The following TUBA8 variants were observed in gnomAD, a reference collection of about 807,000 sequenced individuals.
TUBA8 encodes the protein tubulin alpha 8, also known as tubulin alpha-8 chain.
In TUBA8, 29 loss-of-function variants were observed where a neutral mutation model predicts 34.7. The observed-to-expected ratio is 0.84, with a 90% CI of 0.62 to 1.14. The LOEUF is 1.14. Among genes scored for constraint, TUBA8 ranks in the 50% most tolerant of loss-of-function variants. TUBA8 has a pLI of 0.00. For missense variants in TUBA8, 541 were observed against 599.2 expected (o/e 0.90, Z 1.01); for synonymous variants, 226 against 231.2 (o/e 0.98, Z 0.21).
chr22:18,130,007 A>C (rs1053636247), intron 4 of TUBA8: 1 of 152,236 alleles, frequency 6.6e-6, no homozygotes, highest in East Asian at 1.9e-4. Context: ...AAGACCTTCA[A>C]CAACCTTCTT....
chr22:18,110,927 C>A lies in TUBA8; in HGVS notation c.3+59C>A. ...GCGCGGCAGGCGTAGGACCGAGAGC[C>A]GAGTCTACGCGGAGGCGCACGGACC... is the stretch of plus-strand genomic sequence containing the variant. On this transcript the variant is annotated intron_variant, in intron 1 of 4. Transcript: ENST00000330423. This position sits in a 1 kb window ranked among gnomAD's most constrained non-coding sequence, Gnocchi z 6.2. 1 of 1,536,314 alleles carries A rather than the reference C, an allele frequency of 6.5e-7. No individual in the cohort carries two copies. Among genetic ancestry groups the A allele is most frequent in the Admixed American group, 2.0e-5 (1 of 51,054 alleles).
chr22:18,115,085 G>A (rs1280190647), intron 1 of TUBA8: 1 of 152,214 alleles, frequency 6.6e-6, no homozygotes, highest in Non-Finnish European at 1.5e-5. Context: ...TCCCAGCGAG[G>A]GGCCTTGGCT....
intron 1 of TUBA8, chr22:18,114,853 GACA>G (rs1215400932): frequency 1.3e-5 from 2 of 152,148 alleles, no homozygotes; most frequent in African/African-American, 2.4e-5. Context: ...AGTATCACAA[GACA>G]GCCTTTTTAA....
At chr22:18,114,805 T>A (rs1927917406) in intron 1 of TUBA8, 1 of 152,130 alleles carries the variant, frequency 6.6e-6, no homozygotes. Flanking sequence ...CTCTCCCAGA[T>A]GATATGCCAC....
Position 18,126,477 on chromosome 22 carries a change from CT to C in TUBA8, c.500del (p.Leu167ArgfsTer23), listed in dbSNP as rs1215758077. The C allele has an allele frequency of 6.2e-7, 1 of 1,613,964 alleles. No individual in the cohort carries two copies. Among genetic ancestry groups the C allele is most frequent in the African/African-American group, 1.3e-5 (1 of 74,896 alleles). On this transcript the variant is annotated frameshift_variant, in exon 4 of 5. Transcript: ENST00000330423. LOFTEE classifies it high-confidence loss of function. The surrounding 1 kb of genome is among the most constrained non-coding windows in gnomAD (Gnocchi z 4.0). ...LSLDYGKKSKLEFAIYPAPQV... is the reference protein window; with the variant it reads ...LSLDYGKKSKXEFAIYPAPQV... ...CCTGGATTATGGCAAGAAATCCAAG[CT>C]GGAGTTTGCCATCTACCCAGCCCCC...
rs1293812304 is a variant in TUBA8, at chr22:18,121,633, T to C, written c.158T>C (p.Phe53Ser). Reference sequence around the variant, plus strand: ...GATGATGACTCCTTCACCACCTTTTTCAGCGAGACTGGCAATGGGAAGCAT... The same window carrying C: ...GATGATGACTCCTTCACCACCTTTTCCAGCGAGACTGGCAATGGGAAGCAT... ...INDDDSFTTFFSETGNGKHVP... is the reference protein window; with the variant it reads ...INDDDSFTTFSSETGNGKHVP... Residue 53 changes from phenylalanine (F) to serine (S), a missense_variant, in exon 2 of 5, where the codon TTC (phenylalanine) becomes TCC (serine). Transcript: ENST00000330423. This position sits in a 1 kb window ranked among gnomAD's most constrained non-coding sequence, Gnocchi z 4.8. 1.2e-6 allele frequency: 2 copies of C among 1,614,084 alleles called. No individual in the cohort carries two copies. Among genetic ancestry groups the C allele is most frequent in the African/African-American group, 1.3e-5 (1 of 74,922 alleles).
At chr22:18,130,753 A>T (rs1014998507) in intron 4 of TUBA8, 90 bp from the exon 5 acceptor site, 40 of 1,569,836 alleles carry the variant, frequency 2.5e-5, no homozygotes, top group Non-Finnish European at 3.5e-5. Context: ...ACTTGAAGCC[A>T]TGCCAAGTGA....
Position 18,124,362 on chromosome 22 carries a change from C to A in TUBA8, c.375+58C>A. On this transcript the variant is annotated intron_variant, in intron 3 of 4. Coordinates refer to ENST00000330423, the MANE Select transcript of TUBA8 (RefSeq NM_018943.3). The surrounding 1 kb of genome is among the most constrained non-coding windows in gnomAD (Gnocchi z 4.3). The stretch of plus-strand genomic sequence containing the variant: ...AGGCTGGAGTGGACAGGCTTGGCCC[C>A]ATGCCTCTTTGATCAGGCTAGGGAG... The A allele has an allele frequency of 6.4e-7, 1 of 1,573,880 alleles. No homozygotes were observed. The highest frequency in any genetic ancestry group is 1.2e-5 in the South Asian group (1 of 85,750).
intron 1 of TUBA8, chr22:18,114,683 C>T (rs1207693489): frequency 3.3e-5 from 5 of 152,094 alleles, no homozygotes; most frequent in Admixed American, 6.6e-5. Flanking sequence ...AGAGATAATT[C>T]GGTGTAATCA....
chr22:18,113,683 G>A (rs362043), intron 1 of TUBA8: 3 of 152,068 alleles, frequency 2.0e-5, no homozygotes, highest in African/African-American at 4.8e-5. Flanking sequence ...GCTCTGTGGA[G>A]TTGATAGGTG....
In TUBA8 at chr22:18,119,014, A is replaced by C. The variant is rs1452944978; in HGVS notation, c.4-2465A>C. On this transcript the variant is annotated intron_variant, in intron 1 of 4. Transcript: ENST00000330423. The surrounding 1 kb of genome is among the most constrained non-coding windows in gnomAD (Gnocchi z 5.9). ...CTGGGGGCCGGGCAGCACTGTAGGC[A>C]GGACTAGAGGGTGGTCGGGATGCGG... 1.3e-5 allele frequency: 2 copies of C among 152,414 alleles called. No individual in the cohort carries two copies. The highest frequency in any genetic ancestry group is 4.8e-5 in the African/African-American group (2 of 41,444). The allele number at this position is 152,414 out of a possible 1,614,324, so 9.4% of individuals were successfully genotyped here. A position where few individuals can be genotyped will look rare whatever the true frequency, so the allele number is the denominator to read the frequency against.
At position 18,124,779 on chromosome 22, in the gene TUBA8, G is replaced by C. The variant is rs757601663; in HGVS notation, c.375+475G>C. The stretch of plus-strand genomic sequence containing the variant: ...TACAGATGAAGAAATTGAGGGCCAG[G>C]GTGGTTCAATATCTTAGCCTGGGTC... On this transcript the variant is annotated intron_variant, in intron 3 of 4. Transcript: ENST00000330423. This position sits in a 1 kb window ranked among gnomAD's most constrained non-coding sequence, Gnocchi z 4.3. The C allele has an allele frequency of 9.4e-5, 15 of 159,224 alleles. No homozygotes were observed. The highest frequency in any genetic ancestry group is 1.7e-4 in the Non-Finnish European group (12 of 71,734). 9.9% of individuals were successfully genotyped at this position (159,224 alleles called of 1,614,324 possible).
At chr22:18,114,054 T>A (rs1221194366) in intron 1 of TUBA8, 1 of 151,614 alleles carries the variant, frequency 6.6e-6, no homozygotes. Context: ...TGTGGCACTG[T>A]CGGGGGGAGG....
intron 1 of TUBA8, chr22:18,116,575 A>G (rs1355167795): frequency 1.3e-5 from 2 of 152,248 alleles, no homozygotes; most frequent in Admixed American, 6.5e-5. Flanking sequence ...TTTGTAGCCA[A>G]TACAACATCC....
At position 18,126,798 on chromosome 22, in the gene TUBA8, C is replaced by T. The variant is rs1411263935; in HGVS notation, c.820C>T (p.Pro274Ser). 18 of 1,613,914 alleles carry T rather than the reference C, an allele frequency of 1.1e-5. No homozygotes were observed. Among genetic ancestry groups the T allele is most frequent in the Non-Finnish European group, 1.5e-5 (18 of 1,179,964 alleles). ...RIHFPLVTYAPIISAEKAYHE... is the reference protein window; with the variant it reads ...RIHFPLVTYASIISAEKAYHE... ...CCACTTCCCGCTGGTCACCTACGCG[C>T]CCATCATCTCTGCCGAGAAAGCCTA... The change falls in exon 4 of 5, where the codon CCC becomes TCC. Residue 274 changes from proline (P) to serine (S), a missense_variant. By Grantham distance (74) the Pro-to-Ser change is moderately conservative. Coordinates refer to ENST00000330423, the MANE Select transcript of TUBA8 (RefSeq NM_018943.3). This position sits in a 1 kb window ranked among gnomAD's most constrained non-coding sequence, Gnocchi z 4.0.
At position 18,124,579 on chromosome 22, in the gene TUBA8, G is replaced by A. The variant is rs1454655834; in HGVS notation, c.375+275G>A. ...ATCTGGGGAAGGTTCCGGGTATAAGGCAGGATGAGGTCTCTGCTGGTCGGA... is the reference window on the plus strand; with the variant it reads ...ATCTGGGGAAGGTTCCGGGTATAAGACAGGATGAGGTCTCTGCTGGTCGGA... On this transcript the variant is annotated intron_variant, in intron 3 of 4. Coordinates refer to ENST00000330423, the MANE Select transcript of TUBA8 (RefSeq NM_018943.3). The surrounding 1 kb of genome is among the most constrained non-coding windows in gnomAD (Gnocchi z 4.3). The A allele has an allele frequency of 2.6e-6, 1 of 390,378 alleles. No individual in the cohort carries two copies. The highest frequency in any genetic ancestry group is 4.6e-6 in the Non-Finnish European group (1 of 215,300). 24.2% of individuals were successfully genotyped at this position (390,378 alleles called of 1,614,324 possible).
Position 18,124,322 on chromosome 22 carries a change from G to A in TUBA8, c.375+18G>A, listed in dbSNP as rs775362905. 6.2e-7 allele frequency: 1 copy of A among 1,609,296 alleles called. No individual in the cohort carries two copies. The highest frequency in any genetic ancestry group is 1.7e-5 in the Admixed American group (1 of 59,512). ...GGAAGCTGGTAAGATCAGGAGGGCA[G>A]GGGACGGGTGGGTCAGGCTGGAGTG... On this transcript the variant is annotated intron_variant, in intron 3 of 4. Transcript: ENST00000330423. The surrounding 1 kb of genome is among the most constrained non-coding windows in gnomAD (Gnocchi z 4.3).
intron 1 of TUBA8, chr22:18,117,891 T>C (rs1240660812): frequency 1.3e-5 from 2 of 152,100 alleles, no homozygotes; most frequent in Non-Finnish European, 2.9e-5. Flanking sequence ...CTGATATCAC[T>C]GAACTTAATT....
Position 18,121,454 on chromosome 22 carries a change from C to T in TUBA8, c.4-25C>T, listed in dbSNP as rs369704276. 1 of 1,606,876 alleles carries T rather than the reference C, an allele frequency of 6.2e-7. No homozygotes were observed. Among genetic ancestry groups the T allele is most frequent in the African/African-American group, 1.3e-5 (1 of 74,824 alleles). On this transcript the variant is annotated intron_variant, in intron 1 of 4. Transcript: ENST00000330423. This position sits in a 1 kb window ranked among gnomAD's most constrained non-coding sequence, Gnocchi z 4.8. ...CATGCTGGGGGCCCAGACTCTCTGA[C>T]CTCGTTGCTTCCCTCTCCCCACAGC...
Sources: allele counts gnomAD v4.1 joint callset, GRCh38; gene constraint gnomAD v4.1.1; non-coding constraint Gnocchi (gnomAD v3.1); transcripts MANE v1.5; gene names NCBI Gene and HGNC (gene_info 2026-07-23, HGNC 2026-07-21).